EHD3: variants seen among roughly 807,000 people sequenced by gnomAD.
The protein encoded by EHD3 is EH domain-containing protein 3.
In EHD3, 17 loss-of-function variants were observed where a neutral mutation model predicts 43.0. That is an observed-to-expected ratio of 0.40 (90% CI 0.27 to 0.59). The LOEUF (loss-of-function observed/expected upper bound fraction) is 0.59. Ranked by LOEUF, EHD3 falls within the 20% of genes least tolerant of loss-of-function variation. EHD3 has a pLI of 0.49. For missense variants in EHD3, 594 were observed against 705.6 expected, an observed-to-expected ratio of 0.84 and a Z score of 1.79; for synonymous variants, 313 against 289.5, an observed-to-expected ratio of 1.08 and a Z score of -0.82.
chr2:31,250,897 T>C (rs1199914016), intron 3 of EHD3, among the ~76,000 whole-genome samples: 2 of 152,238 alleles, frequency 1.3e-5, no homozygotes, highest in Non-Finnish European at 2.9e-5. Context: ...ACTGTCTGCA[T>C]GTGCCTTCAC....
chr2:31,262,580 C>T (rs1436531993), intron 5 of EHD3, among the ~76,000 whole-genome samples: 4 of 152,198 alleles, frequency 2.6e-5, no homozygotes, highest in African/African-American at 9.7e-5. Flanking sequence ...GCACAAAGCA[C>T]CCACCCACTG....
intron 1 of EHD3, among the ~76,000 whole-genome samples, chr2:31,243,745 C>T (rs1034243115): frequency 6.6e-6 from 1 of 151,912 alleles, no homozygotes; most frequent in African/African-American, 2.4e-5. Flanking sequence ...TGAGCCACCG[C>T]GCCTGGCCAG....
chr2:31,258,004 T>C (rs1683784081), intron 3 of EHD3, among the ~76,000 whole-genome samples: 2 of 152,142 alleles, frequency 1.3e-5, no homozygotes, highest in Admixed American at 1.3e-4. Context: ...AGTTGGACCA[T>C]TGATGGCTAA....
intron 3 of EHD3, among the ~76,000 whole-genome samples, chr2:31,258,757 T>A (rs1683797506): frequency 6.6e-6 from 1 of 152,238 alleles, no homozygotes. Context: ...AATGCTATTG[T>A]TATTTTTATG....
At chr2:31,235,720 A>T (rs1683312254) in intron 1 of EHD3, among the ~76,000 whole-genome samples, 1 of 152,184 alleles carries the variant, frequency 6.6e-6, no homozygotes, top group African/African-American at 2.4e-5. Context: ...TCAATTACAG[A>T]ATCCTTGGGC....
chr2:31,244,485 T>A (rs2295473), intron 2 of EHD3, 35 bp downstream of exon 2: 961,740 of 1,597,374 alleles, frequency 0.6, 293,289 homozygotes, highest in East Asian at 0.81. Flanking sequence ...TTTCAGGTGC[T>A]CTCTTTTCTT....
At chr2:31,257,618 C>T (rs72861139) in intron 3 of EHD3, among the ~76,000 whole-genome samples, 4,582 of 152,264 alleles carry the variant, frequency 0.03, 216 homozygotes, top group African/African-American at 0.1. Flanking sequence ...CAGAGCGTGT[C>T]GTGAGGGTGA....
At chr2:31,242,956 G>A (rs540581993) in intron 1 of EHD3, among the ~76,000 whole-genome samples, 53 of 150,612 alleles carry the variant, frequency 3.5e-4, no homozygotes, top group Non-Finnish European at 5.5e-4. Context: ...GTGAAACTCC[G>A]TCTCAAATAA....
In EHD3 at chr2:31,234,427, G is replaced by T; in HGVS notation, c.-195G>T. The T allele has an allele frequency of 1.7e-6, 1 of 605,836 alleles. No homozygotes were observed. The highest frequency in any genetic ancestry group is 2.9e-6 in the Non-Finnish European group (1 of 346,162). 37.5% of individuals were successfully genotyped at this position (605,836 alleles called of 1,614,324 possible). A position where few individuals can be genotyped will look rare whatever the true frequency, so the allele number is the denominator to read the frequency against. The stretch of plus-strand genomic sequence containing the variant: ...GGGCTGCTGGATGCAGCAGCGGCTG[G>T]GCTTGGTCCCAGGAGCAGGGAGAGT... On this transcript the variant is annotated 5_prime_UTR_variant, in exon 1 of 6. Transcript: ENST00000322054.
Position 31,260,700 on chromosome 2 carries a change from G to A in EHD3, c.693G>A (p.Arg231=), listed in dbSNP as rs773077288. 5 of 1,614,184 alleles carry A rather than the reference G, an allele frequency of 3.1e-6. No homozygotes were observed. In the East Asian group the frequency reaches 8.9e-5, roughly 29 times the overall value. Reference sequence around the variant, plus strand: ...AGATCGAGACGCAGCAGCTGATGCGGGTGTACGGGGCCCTCATGTGGTCCT... The same window carrying A: ...AGATCGAGACGCAGCAGCTGATGCGAGTGTACGGGGCCCTCATGTGGTCCT... The part of the protein sequence containing the change: ...ADQIETQQLM[R]VYGALMWSLG... The change falls in exon 4 of 6, where the codon CGG becomes CGA. Residue 231 remains arginine (R), a synonymous_variant. Coordinates refer to ENST00000322054, the MANE Select transcript of EHD3 (RefSeq NM_014600.3). This position sits in a 1 kb window ranked among gnomAD's most constrained non-coding sequence, Gnocchi z 4.6.
In EHD3 at chr2:31,244,389, G is replaced by T; in HGVS notation, c.343G>T (p.Val115Leu). The T allele has an allele frequency of 1.2e-6, 2 of 1,614,216 alleles. No homozygotes were observed. Among genetic ancestry groups the T allele is most frequent in the South Asian group, 1.1e-5 (1 of 91,084 alleles). ...GGGGATCATCCCTGGGAACGCCCTGGTGGTGGATCCCAAGAAACCCTTCAG... is the reference window on the plus strand; with the variant it reads ...GGGGATCATCCCTGGGAACGCCCTGTTGGTGGATCCCAAGAAACCCTTCAG... ...MEGIIPGNALVVDPKKPFRKL... is the reference protein window; with the variant it reads ...MEGIIPGNALLVDPKKPFRKL... The change falls in exon 2 of 6, where the codon GTG becomes TTG. Residue 115 changes from valine to leucine, a missense_variant. Physicochemically the swap from Val to Leu is conservative, Grantham distance 32. Coordinates refer to ENST00000322054, the MANE Select transcript of EHD3 (RefSeq NM_014600.3).
Position 31,267,994 on chromosome 2 carries a change from T to C in EHD3, c.*1290T>C, listed in dbSNP as rs1683988388. On this transcript the variant is annotated 3_prime_UTR_variant, in exon 6 of 6. Transcript: ENST00000322054. Reference sequence around the variant, plus strand: ...GGATGCTGTTCGTGCCTGTCCCTGCTCTGCCTCCCACCCAGTTGCCTGAAT... The same window carrying C: ...GGATGCTGTTCGTGCCTGTCCCTGCCCTGCCTCCCACCCAGTTGCCTGAAT... The C allele has an allele frequency of 6.5e-6, 1 of 152,726 alleles. No homozygotes were observed. The highest frequency in any genetic ancestry group is 1.5e-5 in the Non-Finnish European group (1 of 68,130). 9.5% of individuals were successfully genotyped at this position (152,726 alleles called of 1,614,324 possible).
intron 3 of EHD3, among the ~76,000 whole-genome samples, chr2:31,253,246 CCACACACACA>C (rs34392955): frequency 0.011 from 1,588 of 142,090 alleles, 25 homozygotes; most frequent in African/African-American, 0.039. Flanking sequence ...CAACCCCCTC[CCACACACACA>C]CACACACACA....
chr2:31,246,884 T>A (rs1162758152), intron 2 of EHD3, among the ~76,000 whole-genome samples: 2 of 151,854 alleles, frequency 1.3e-5, no homozygotes, highest in Non-Finnish European at 2.9e-5. Context: ...AATATATAAA[T>A]CTTTACAGTG....
At chr2:31,253,035 G>A (rs1683667628) in intron 3 of EHD3, among the ~76,000 whole-genome samples, 1 of 152,106 alleles carries the variant, frequency 6.6e-6, no homozygotes, top group African/African-American at 2.4e-5. Context: ...AACGAGTAAA[G>A]TTTCCAGGGT....
Position 31,269,273 on chromosome 2 carries a change from A to G in EHD3, c.*2569A>G, listed in dbSNP as rs1319484173. 1.3e-5 allele frequency: 2 copies of G among 152,154 alleles called. No individual in the cohort carries two copies. The highest frequency in any genetic ancestry group is 4.8e-5 in the African/African-American group (2 of 41,432). The allele number at this position is 152,154 out of a possible 1,614,324, so 9.4% of individuals were successfully genotyped here. ...CTGGGCCATGGAATCCATCCAATAA[A>G]CACAGCAACACCCTATGCTACTGAC... is the stretch of plus-strand genomic sequence containing the variant. On this transcript the variant is annotated 3_prime_UTR_variant, in exon 6 of 6. Coordinates refer to ENST00000322054, the MANE Select transcript of EHD3 (RefSeq NM_014600.3).
chr2:31,263,208 G>C (rs534043333), intron 5 of EHD3, among the ~76,000 whole-genome samples: 2 of 152,294 alleles, frequency 1.3e-5, no homozygotes, highest in South Asian at 4.1e-4. Flanking sequence ...TTTGTTTTGC[G>C]GGTTTCCCGG....
Position 31,234,673 on chromosome 2 carries a change from T to A in EHD3, c.52T>A (p.Phe18Ile). The A allele has an allele frequency of 6.2e-7, 1 of 1,614,194 alleles. No homozygotes were observed. The highest frequency in any genetic ancestry group is 1.1e-5 in the South Asian group (1 of 91,086). The change falls in exon 1 of 6, where the codon TTC becomes ATC. Residue 18 changes from phenylalanine (F) to isoleucine (I), a missense_variant. By Grantham distance (21) the Phe-to-Ile change is conservative. Around this residue, in one of 3 missense-constraint regions of EHD3, gnomAD observed 243 missense variants for 296.7 expected, o/e 0.82. Coordinates refer to ENST00000322054, the MANE Select transcript of EHD3 (RefSeq NM_014600.3). ...DDRRRKDPEV[F>I]QTVSEGLKKL... Reference sequence around the variant, plus strand: ...CCGCCGGAGGAAGGACCCCGAGGTTTTCCAGACGGTGAGTGAGGGGCTCAA... The same window carrying A: ...CCGCCGGAGGAAGGACCCCGAGGTTATCCAGACGGTGAGTGAGGGGCTCAA...
chr2:31,254,404 C>CA (rs1683698906), intron 3 of EHD3, among the ~76,000 whole-genome samples: 1 of 152,194 alleles, frequency 6.6e-6, no homozygotes, highest in Non-Finnish European at 1.5e-5. Flanking sequence ...CCGGTACAGG[C>CA]ACGCCTGTGT....
Sources: allele counts gnomAD v4.1 joint callset (sites outside exome capture counted in the v4.1 genomes callset), GRCh38; gene constraint gnomAD v4.1.1; regional missense constraint gnomAD v4.1.1; non-coding constraint Gnocchi (gnomAD v3.1); transcripts MANE v1.5; gene names NCBI Gene and HGNC (gene_info 2026-07-23, HGNC 2026-07-21).